The following OLA1 variants were observed in gnomAD, a reference collection of about 807,000 sequenced individuals.
OLA1 encodes obg-like ATPase 1.
OLA1 carries 14 observed loss-of-function variants against 48.4 expected under a neutral mutation model. The ratio of observed to expected loss-of-function variants is 0.29; its 90% CI spans 0.19 to 0.45. OLA1 has a LOEUF of 0.45. OLA1 is among the 20% of genes least tolerant of loss of function. The pLI is 1.00. For missense variants in OLA1, 325 were observed against 467.1 expected (o/e 0.70, Z 2.80); for synonymous variants, 127 against 150.4 (o/e 0.84, Z 1.14).
chr2:174,242,950 CCT>C (rs1032413111), intron 2 of OLA1, among the ~76,000 whole-genome samples: 2 of 152,126 alleles, frequency 1.3e-5, no homozygotes, highest in Admixed American at 6.5e-5. Flanking sequence ...GTGGCTCACA[CCT>C]GTAATTCCAG....
rs560330475 is a variant in OLA1 at position 174,237,120 on chromosome 2, T to C, written c.102-7669A>G. Among the ~76,000 whole-genome samples the C allele has an allele frequency of 2.0e-5, 3 of 152,358 alleles. No individual in the cohort carries two copies. The East Asian group carries it at 5.8e-4, about 29-fold the overall frequency. On this transcript the variant is annotated intron_variant, in intron 2 of 10. Coordinates refer to ENST00000284719, the MANE Select transcript of OLA1 (RefSeq NM_013341.5). ...AAAATACAAATACACTGTATAGCTG[T>C]ACAAAAATATTTTTTCTTTATATCC...
chr2:174,173,715 T>C (rs768933595), intron 4 of OLA1, among the ~76,000 whole-genome samples: 5 of 151,424 alleles, frequency 3.3e-5, no homozygotes, highest in Non-Finnish European at 5.9e-5. Flanking sequence ...GTGAAACCCA[T>C]AGTCCTTTAA....
At chr2:174,247,603 T>C in intron 1 of OLA1, 2 of 1,546,924 alleles carry the variant, frequency 1.3e-6, no homozygotes, top group Admixed American at 3.9e-5. Flanking sequence ...ACCATTCCTC[T>C]ATAATCTGGA....
intron 5 of OLA1, among the ~76,000 whole-genome samples, chr2:174,130,716 T>C (rs1024949430): frequency 1.3e-5 from 2 of 152,188 alleles, no homozygotes; most frequent in African/African-American, 4.8e-5. Flanking sequence ...GGAATACTGA[T>C]AATTTATGGA....
intron 5 of OLA1, among the ~76,000 whole-genome samples, chr2:174,133,404 A>G (rs908112475): frequency 2.6e-5 from 4 of 152,192 alleles, no homozygotes; most frequent in African/African-American, 9.7e-5. Context: ...TCTCTCACCC[A>G]GGCTGGAGTG....
In OLA1 at chr2:174,075,258, G is replaced by A. The variant is rs112003193; in HGVS notation, c.*168C>T. ...TTTAGTGAACCTGCATTTCATGGGG[G>A]GGGGGGGGTACACAGTATTTTAATT... On this transcript the variant is annotated 3_prime_UTR_variant, in exon 11 of 11. Coordinates refer to ENST00000284719, the MANE Select transcript of OLA1 (RefSeq NM_013341.5). The A allele has an allele frequency of 9.2e-5, 43 of 467,534 alleles. No homozygotes were observed. The East Asian group carries it at 1.2e-3, about 13-fold the overall frequency. The allele number at this position is 467,534 out of a possible 1,614,324, so 29.0% of individuals were successfully genotyped here.
chr2:174,081,868 A>T, intron 8 of OLA1, 56 bp downstream of exon 8: 1 of 1,549,020 alleles, frequency 6.5e-7, no homozygotes, highest in South Asian at 1.1e-5. Context: ...AAGCAATTAA[A>T]TTACTGCAAG....
intron 5 of OLA1, among the ~76,000 whole-genome samples, chr2:174,141,076 C>T (rs911615534): frequency 5.9e-5 from 9 of 152,150 alleles, no homozygotes; most frequent in Admixed American, 2.0e-4. Flanking sequence ...GGATTACAAG[C>T]ACCTACCACC....
chr2:174,217,229 C>G (rs975549534), intron 4 of OLA1, among the ~76,000 whole-genome samples: 2 of 151,888 alleles, frequency 1.3e-5, no homozygotes, highest in African/African-American at 4.8e-5. Context: ...TTTATTTTTC[C>G]TTTCAATTTT....
At chr2:174,239,781 C>T (rs2105464637) in intron 2 of OLA1, among the ~76,000 whole-genome samples, 1 of 150,288 alleles carries the variant, frequency 6.7e-6, no homozygotes, top group South Asian at 2.1e-4. Context: ...GCAGTCCCAG[C>T]TATTCAGGTG....
chr2:174,127,576 T>C (rs980937416), intron 5 of OLA1, among the ~76,000 whole-genome samples: 1 of 152,184 alleles, frequency 6.6e-6, no homozygotes, highest in Non-Finnish European at 1.5e-5. Flanking sequence ...TTGCAGGGGT[T>C]CCTTACCACC....
At position 174,114,341 on chromosome 2, in the gene OLA1, C is replaced by CAAAAAAAA. The variant is rs76471043; in HGVS notation, c.728+8831_728+8838dup. Among the ~76,000 whole-genome samples the CAAAAAAAA allele has an allele frequency of 1.2e-3, 71 of 60,634 alleles. 2 individuals carry two copies. The highest frequency in any genetic ancestry group is 4.6e-3 in the East Asian group (6 of 1,292). 39.8% of individuals were successfully genotyped at this position (60,634 alleles called of 152,430 possible). On this transcript the variant is annotated intron_variant, in intron 7 of 10. Transcript: ENST00000284719. ...TGGGCGACAGAGCAAGACTCCGCCT[C>CAAAAAAAA]AAAAAAAAAAAAAAAAAAAAAAAAA...
intron 7 of OLA1, among the ~76,000 whole-genome samples, chr2:174,086,814 C>T (rs1372124255): frequency 6.6e-6 from 1 of 152,030 alleles, no homozygotes; most frequent in African/African-American, 2.4e-5. Flanking sequence ...TTTATTTTTG[C>T]CCATTTAGTA....
At chr2:174,097,751 A>T (rs1281787468) in intron 7 of OLA1, among the ~76,000 whole-genome samples, 2 of 152,072 alleles carry the variant, frequency 1.3e-5, no homozygotes, top group Non-Finnish European at 2.9e-5. Flanking sequence ...AAAGAAAGTA[A>T]GACACTTGCA....
In OLA1 at chr2:174,082,072, CA is replaced by C. The variant is rs1684868999; in HGVS notation, c.729-9del. 6.2e-7 allele frequency: 1 copy of C among 1,610,728 alleles called. No homozygotes were observed. The highest frequency in any genetic ancestry group is 8.5e-7 in the Non-Finnish European group (1 of 1,178,344). On this transcript the variant is annotated splice_polypyrimidine_tract_variant and intron_variant, in intron 7 of 10. Coordinates refer to ENST00000284719, the MANE Select transcript of OLA1 (RefSeq NM_013341.5). ...TCTTTAATTTTTATCAACCTGTAGA[CA>C]AAAAAGGGCACAACATTATCTTGTA...
Position 174,231,542 on chromosome 2 carries a change from C to T in OLA1, c.102-2091G>A, listed in dbSNP as rs1688729416. Among the ~76,000 whole-genome samples, 5 of 152,046 alleles carry T rather than the reference C, an allele frequency of 3.3e-5. No homozygotes were observed. The South Asian group carries it at 8.3e-4, about 25-fold the overall frequency. ...CAGTATTTTATATCGTCTACCTGGA[C>T]AAAAATAAGTATGTTTTGTGATTTT... On this transcript the variant is annotated intron_variant, in intron 2 of 10. Transcript: ENST00000284719.
chr2:174,193,625 C>T (rs1338834998), intron 4 of OLA1, among the ~76,000 whole-genome samples: 3 of 152,052 alleles, frequency 2.0e-5, no homozygotes, highest in African/African-American at 2.4e-5. Flanking sequence ...GAAGTTAGCA[C>T]TATTGTTACC....
At chr2:174,181,171 T>C (rs551225851) in intron 4 of OLA1, among the ~76,000 whole-genome samples, 1 of 152,168 alleles carries the variant, frequency 6.6e-6, no homozygotes, top group African/African-American at 2.4e-5. Flanking sequence ...GAGAAAACTA[T>C]GGAAAAGGAG....
intron 4 of OLA1, among the ~76,000 whole-genome samples, chr2:174,168,137 A>G (rs1173453819): frequency 6.6e-6 from 1 of 152,228 alleles, no homozygotes; most frequent in Non-Finnish European, 1.5e-5. Flanking sequence ...CTACAGATAA[A>G]TCATGGTCTT....
Sources: allele counts gnomAD v4.1 joint callset (sites outside exome capture counted in the v4.1 genomes callset), GRCh38; gene constraint gnomAD v4.1.1; transcripts MANE v1.5; gene names NCBI Gene and HGNC (gene_info 2026-07-23, HGNC 2026-07-21).